Variants in BTBD8 observed in about 807,000 individuals in gnomAD.
The protein encoded by BTBD8 is BTB domain containing 8.
BTBD8 carries 110 observed loss-of-function variants against 162.9 expected under a neutral mutation model. The observed-to-expected ratio is 0.68, with a 90% CI of 0.58 to 0.79. The LOEUF is 0.79. Ranked by LOEUF, BTBD8 falls within the 30% of genes least tolerant of loss-of-function variation. The probability of loss-of-function intolerance (pLI) is 0.00; values close to 1 mark genes in which losing one functional copy is unlikely to be tolerated. For missense variants in BTBD8, 1,905 were observed against 2,085.4 expected (o/e 0.91, Z 1.68); for synonymous variants, 667 against 716.1 (o/e 0.93, Z 1.10).
chr1:92,121,238 T>A (rs1288438594), intron 4 of BTBD8, among the ~76,000 whole-genome samples: 1 of 152,220 alleles, frequency 6.6e-6, no homozygotes, highest in African/African-American at 2.4e-5. Flanking sequence ...AATTTCGGTT[T>A]GGTTGTGATG....
chr1:92,089,181 T>C (rs1648235074), intron 2 of BTBD8, among the ~76,000 whole-genome samples: 1 of 152,112 alleles, frequency 6.6e-6, no homozygotes, highest in Admixed American at 6.6e-5. Context: ...AATGGTGTGC[T>C]CTCCAGTAAT....
At chr1:92,158,516 T>C (rs1453596246) in intron 9 of BTBD8, among the ~76,000 whole-genome samples, 2 of 152,208 alleles carry the variant, frequency 1.3e-5, no homozygotes, top group Non-Finnish European at 2.9e-5. Context: ...ACATACACTC[T>C]GTTACTGATT....
chr1:92,084,349 CT>C (rs1410447442), intron 1 of BTBD8, among the ~76,000 whole-genome samples: 3 of 152,256 alleles, frequency 2.0e-5, no homozygotes, highest in African/African-American at 7.2e-5. Flanking sequence ...TAAAATGACC[CT>C]GTATGGTGGA....
chr1:92,179,273 A>G (rs1650815573), intron 16 of BTBD8, among the ~76,000 whole-genome samples: 1 of 152,064 alleles, frequency 6.6e-6, no homozygotes, highest in Admixed American at 6.6e-5. Context: ...TGATAATGAT[A>G]ATAATAGTGC....
intron 4 of BTBD8, among the ~76,000 whole-genome samples, chr1:92,128,347 C>T (rs945960550): frequency 3.9e-5 from 6 of 151,996 alleles, no homozygotes; most frequent in South Asian, 2.1e-4. Context: ...GGTGCAATCT[C>T]GGCTCACTGC....
chr1:92,104,463 A>G (rs1648674043), intron 3 of BTBD8, among the ~76,000 whole-genome samples: 1 of 152,206 alleles, frequency 6.6e-6, no homozygotes, highest in Admixed American at 6.5e-5. Flanking sequence ...AGACTCAGAG[A>G]GCATAAGAGA....
rs1417873378 is a variant in BTBD8 at position 92,184,134 on chromosome 1, T to TAATCAATCA, written c.5184_5192dup (p.Ile1729_Gln1731dup). 6 of 1,551,526 alleles carry TAATCAATCA rather than the reference T, an allele frequency of 3.9e-6. No individual in the cohort carries two copies. Among genetic ancestry groups the TAATCAATCA allele is most frequent in the Non-Finnish European group, 5.2e-6 (6 of 1,146,886 alleles). ...GAAGACTTAAGTTTAGCACAGTATCTAATCAATCAGACACTACTTTTAGCA... is the reference window on the plus strand; with the variant it reads ...GAAGACTTAAGTTTAGCACAGTATCTAATCAATCAAATCAATCAGACACTACTTTTAGCA... On this transcript the variant is annotated inframe_insertion, in exon 18 of 18. Coordinates refer to ENST00000636805, the MANE Select transcript of BTBD8 (RefSeq NM_001376131.1).
In BTBD8 at chr1:92,101,357, G is replaced by A. The variant is rs112836537; in HGVS notation, c.348-1116G>A. Among the ~76,000 whole-genome samples the A allele has an allele frequency of 8.6e-3, 1,308 of 152,290 alleles. 22 individuals are homozygous for A. Among genetic ancestry groups the A allele is most frequent in the African/African-American group, 0.029 (1,218 of 41,552 alleles). The stretch of plus-strand genomic sequence containing the variant: ...TTAGCCATTTATGCCCATCCACATG[G>A]CTCCAGCCATCTCGGTAAAAGTAAT... On this transcript the variant is annotated intron_variant, in intron 2 of 17. Transcript: ENST00000636805.
intron 1 of BTBD8, among the ~76,000 whole-genome samples, chr1:92,085,835 AC>A (rs1428468382): frequency 1.3e-5 from 2 of 152,114 alleles, no homozygotes; most frequent in Admixed American, 1.3e-4. Flanking sequence ...GGGTGATCAG[AC>A]CCAACACCAG....
At chr1:92,141,066 C>T in intron 6 of BTBD8, 49 bp from the exon 7 acceptor site, 1 of 1,464,594 alleles carries the variant, frequency 6.8e-7, no homozygotes, top group Non-Finnish European at 9.1e-7. Context: ...ATGTGTTGTG[C>T]CTTGATTTTT....
intron 4 of BTBD8, among the ~76,000 whole-genome samples, chr1:92,114,303 T>C (rs1648979008): frequency 6.6e-6 from 1 of 152,062 alleles, no homozygotes; most frequent in South Asian, 2.1e-4. Context: ...AATAAACTGC[T>C]AAAAGTGGTT....
chr1:92,177,741 C>G (rs1650762943), intron 14 of BTBD8, 70 bp from the exon 15 acceptor site: 1 of 973,522 alleles, frequency 1.0e-6, no homozygotes, highest in Admixed American at 2.2e-5. Flanking sequence ...AGTGTCTAAC[C>G]AGTAAACTTA....
chr1:92,081,816 C>T (rs1160429537), intron 1 of BTBD8, among the ~76,000 whole-genome samples: 2 of 152,174 alleles, frequency 1.3e-5, no homozygotes, highest in Non-Finnish European at 2.9e-5. Flanking sequence ...ACAAGTGATC[C>T]GCCCGCCTCG....
intron 4 of BTBD8, among the ~76,000 whole-genome samples, chr1:92,117,900 A>G (rs60274844): frequency 0.015 from 2,228 of 151,994 alleles, 99 homozygotes; most frequent in African/African-American, 0.052. Flanking sequence ...GCCTTTTTCC[A>G]TGGTCATATT....
intron 16 of BTBD8, 141 bp downstream of exon 16, chr1:92,178,592 G>A (rs554560515): frequency 1.0e-5 from 7 of 690,912 alleles, no homozygotes; most frequent in Middle Eastern, 2.8e-4. Flanking sequence ...CCATAGAGAT[G>A]AGATTGTAAA....
chr1:92,117,534 A>G (rs1239224252), intron 4 of BTBD8, among the ~76,000 whole-genome samples: 1 of 151,876 alleles, frequency 6.6e-6, no homozygotes, highest in East Asian at 1.9e-4. Context: ...GCCGGAAGGA[A>G]CTTGAATATC....
chr1:92,093,354 G>A (rs759726592), intron 2 of BTBD8, among the ~76,000 whole-genome samples: 3 of 151,786 alleles, frequency 2.0e-5, no homozygotes, highest in East Asian at 1.9e-4. Flanking sequence ...CACCATGCCC[G>A]GCTAATTTTG....
At chr1:92,091,450 CGTG>C (rs1648296255) in intron 2 of BTBD8, among the ~76,000 whole-genome samples, 1 of 151,042 alleles carries the variant, frequency 6.6e-6, no homozygotes, top group South Asian at 2.1e-4. Flanking sequence ...CTAATACACT[CGTG>C]TGTGTGTGTG....
chr1:92,143,248 T>A (rs930573226), intron 7 of BTBD8, among the ~76,000 whole-genome samples: 1 of 152,182 alleles, frequency 6.6e-6, no homozygotes, highest in African/African-American at 2.4e-5. Flanking sequence ...TTAAAGCTTA[T>A]TTAAGAGCCT....
Sources: gnomAD v4.1 joint callset for allele counts (sites outside exome capture counted in the v4.1 genomes callset) on GRCh38, gnomAD v4.1.1 for gene constraint, MANE v1.5 for transcripts, NCBI Gene and HGNC (gene_info 2026-07-23, HGNC 2026-07-21) for gene names.